ZC3H14: variants seen among roughly 807,000 people sequenced by gnomAD.
ZC3H14 encodes the protein zinc finger CCCH domain-containing protein 14.
A neutral mutation model predicts 92.4 loss-of-function variants in ZC3H14; 31 were observed. The observed-to-expected ratio is 0.34, with a 90% CI of 0.25 to 0.45. ZC3H14 has a LOEUF of 0.45. Ranked by LOEUF, ZC3H14 falls within the 20% of genes least tolerant of loss-of-function variation. The pLI is 1.00. For missense variants in ZC3H14, 781 were observed against 897.3 expected (o/e 0.87, Z 1.66); for synonymous variants, 321 against 300.9 (o/e 1.07, Z -0.69).
At position 88,620,639 on chromosome 14, in the gene ZC3H14, C is replaced by T. The variant is rs889301124; in HGVS notation, c.*8888C>T. 3.8e-6 allele frequency: 3 copies of T among 787,736 alleles called. No homozygotes were observed. Among genetic ancestry groups the T allele is most frequent in the Non-Finnish European group, 5.5e-6 (3 of 543,128 alleles). The allele number at this position is 787,736 out of a possible 1,614,324, so 48.8% of individuals were successfully genotyped here. ...ATATTTTAGCATACAATTTATAATA[C>T]GGGAAATGCTACAGGCCCTGGGGAC... On this transcript the variant is annotated 3_prime_UTR_variant, in exon 17 of 17. Coordinates refer to ENST00000251038, the MANE Select transcript of ZC3H14 (RefSeq NM_024824.5). This position sits in a 1 kb window ranked among gnomAD's most constrained non-coding sequence, Gnocchi z 4.3.
chr14:88,581,912 AT>A (rs1431098867), intron 9 of ZC3H14, among the ~76,000 whole-genome samples: 1 of 152,224 alleles, frequency 6.6e-6, no homozygotes, highest in Non-Finnish European at 1.5e-5. Context: ...GGTAAATAAA[AT>A]AATTGAACAT....
At chr14:88,596,218 T>C (rs1217339911) in intron 9 of ZC3H14, among the ~76,000 whole-genome samples, 4 of 152,224 alleles carry the variant, frequency 2.6e-5, no homozygotes, top group South Asian at 4.1e-4. Context: ...GAGTGTCTTA[T>C]TGTTTTCTTT....
Position 88,563,353 on chromosome 14 carries a change from G to A in ZC3H14, c.36+184G>A, listed in dbSNP as rs1293463157. ...CTGGGGACATTTGCGGCCTCGGAGC[G>A]TGGCTGCGGCTGAAGTAGCCGCCGG... On this transcript the variant is annotated intron_variant, in intron 1 of 16. Transcript: ENST00000251038. 8.2e-6 allele frequency: 12 copies of A among 1,458,754 alleles called. No individual in the cohort carries two copies. In the South Asian group the frequency reaches 1.1e-4, roughly 14 times the overall value. The allele number at this position is 1,458,754 out of a possible 1,614,324, so 90.4% of individuals were successfully genotyped here.
In ZC3H14 at chr14:88,613,856, A is replaced by G. The variant is rs550515392; in HGVS notation, c.*2105A>G. The G allele has an allele frequency of 6.6e-6, 1 of 152,192 alleles. No homozygotes were observed. Among genetic ancestry groups the G allele is most frequent in the African/African-American group, 2.4e-5 (1 of 41,456 alleles). The allele number at this position is 152,192 out of a possible 1,614,324, so 9.4% of individuals were successfully genotyped here. ...AAAAAGTAAACATAGGGCAGATTCT[A>G]TATGGCCTATCATGTTTCTTCACCT... On this transcript the variant is annotated 3_prime_UTR_variant, in exon 17 of 17. Coordinates refer to ENST00000251038, the MANE Select transcript of ZC3H14 (RefSeq NM_024824.5).
At position 88,625,306 on chromosome 14, in the gene ZC3H14, T is replaced by G; in HGVS notation, c.*13555T>G. On this transcript the variant is annotated 3_prime_UTR_variant, in exon 17 of 17. Coordinates refer to ENST00000251038, the MANE Select transcript of ZC3H14 (RefSeq NM_024824.5). ...AACCTGAACGGGAGGCTTAGCTTTG[T>G]CAGGACCTTTTCCTTTCCAAGTCTG... 1.6e-6 allele frequency: 1 copy of G among 617,398 alleles called. No individual in the cohort carries two copies. The allele number at this position is 617,398 out of a possible 1,614,324, so 38.2% of individuals were successfully genotyped here. A position where few individuals can be genotyped will look rare whatever the true frequency, so the allele number is the denominator to read the frequency against.
At position 88,578,128 on chromosome 14, in the gene ZC3H14, G is replaced by A. The variant is rs757942457; in HGVS notation, c.1267G>A (p.Glu423Lys). The change falls in exon 9 of 17, where the codon GAA becomes AAA. Residue 423 changes from glutamate to lysine, a missense_variant. Glu to Lys is a moderately conservative substitution (Grantham distance 56, BLOSUM62 1). Around this residue, in one of 3 missense-constraint regions of ZC3H14, gnomAD observed 454 missense variants for 438.5 expected, o/e 1.04. Transcript: ENST00000251038. ...AGAGGAAACAAAAGGAGATTCTGTAGAAAAAAATCAAGGTAATAACTTAAA... is the reference window on the plus strand; with the variant it reads ...AGAGGAAACAAAAGGAGATTCTGTAAAAAAAAATCAAGGTAATAACTTAAA... The part of the protein sequence containing the change: ...KEEETKGDSV[E>K]KNQGTQQRQL... The A allele has an allele frequency of 9.3e-6, 15 of 1,613,630 alleles. No homozygotes were observed. Among genetic ancestry groups the A allele is most frequent in the Admixed American group, 3.3e-5 (2 of 59,982 alleles).
In ZC3H14 at chr14:88,594,618, T is replaced by G. The variant is rs1017057751; in HGVS notation, c.1280-2116T>G. 80 of 1,598,044 alleles carry G rather than the reference T, an allele frequency of 5.0e-5. No homozygotes were observed. The East Asian group carries it at 1.7e-3, about 33-fold the overall frequency. On this transcript the variant is annotated intron_variant, in intron 9 of 16. Coordinates refer to ENST00000251038, the MANE Select transcript of ZC3H14 (RefSeq NM_024824.5). ...ATACGTCTTAAGGTAACAGCCTTGA[T>G]CACTGCTTTTACTTTCGATGAAATA...
chr14:88,581,513 A>G (rs1165048584), intron 9 of ZC3H14, among the ~76,000 whole-genome samples: 1 of 152,174 alleles, frequency 6.6e-6, no homozygotes, highest in Non-Finnish European at 1.5e-5. Flanking sequence ...GTGAGCCAAG[A>G]TTGTGCCACC....
intron 8 of ZC3H14, among the ~76,000 whole-genome samples, chr14:88,577,442 A>G (rs997977538): frequency 8.5e-5 from 13 of 152,184 alleles, no homozygotes; most frequent in African/African-American, 3.1e-4. Flanking sequence ...TATTCATGGT[A>G]TGTGGTTGTA....
At chr14:88,587,197 T>C (rs1224733936) in intron 9 of ZC3H14, among the ~76,000 whole-genome samples, 3 of 152,016 alleles carry the variant, frequency 2.0e-5, no homozygotes, top group Non-Finnish European at 2.9e-5. Flanking sequence ...AGTCTCACTT[T>C]TGTCACCCAG....
At chr14:88,586,522 A>G (rs1236526683) in intron 9 of ZC3H14, 6 of 152,036 alleles carry the variant, frequency 3.9e-5, no homozygotes, top group African/African-American at 1.2e-4. Flanking sequence ...TCTGCTTTCC[A>G]TTGTTGAGTG....
At chr14:88,588,991 A>C (rs893021336) in intron 9 of ZC3H14, among the ~76,000 whole-genome samples, 1 of 152,170 alleles carries the variant, frequency 6.6e-6, no homozygotes, top group Non-Finnish European at 1.5e-5. Flanking sequence ...TCCTAATTAA[A>C]GGGATTTTTT....
intron 2 of ZC3H14, among the ~76,000 whole-genome samples, chr14:88,566,642 C>T (rs2079663412): frequency 1.3e-5 from 2 of 152,140 alleles, no homozygotes; most frequent in South Asian, 2.1e-4. Context: ...AAATTTGTCA[C>T]AGCATGGTGG....
Position 88,618,207 on chromosome 14 carries a change from T to G in ZC3H14, c.*6456T>G. 6.2e-7 allele frequency: 1 copy of G among 1,604,704 alleles called. No individual in the cohort carries two copies. The highest frequency in any genetic ancestry group is 8.5e-7 in the Non-Finnish European group (1 of 1,172,444). On this transcript the variant is annotated 3_prime_UTR_variant, in exon 17 of 17. Transcript: ENST00000251038. ...TGGCCTTCAAAGTCAGTTCTTGCCTTGTGAATATATAAGTATTTACCTAGT... is the reference window on the plus strand; with the variant it reads ...TGGCCTTCAAAGTCAGTTCTTGCCTGGTGAATATATAAGTATTTACCTAGT...
chr14:88,601,190 A>G (rs1426495826), intron 10 of ZC3H14, among the ~76,000 whole-genome samples: 1 of 152,126 alleles, frequency 6.6e-6, no homozygotes. Flanking sequence ...TTAGTTGTTC[A>G]GTAAATACTC....
chr14:88,601,611 A>C (rs2084656566), intron 10 of ZC3H14, among the ~76,000 whole-genome samples: 1 of 152,180 alleles, frequency 6.6e-6, no homozygotes, highest in Non-Finnish European at 1.5e-5. Flanking sequence ...GTTTTTAGAA[A>C]AGATTTTTGT....
rs572105985 is a variant in ZC3H14, at chr14:88,570,572, C to T, written c.195-512C>T. ...ATGGTGGTAATAATAAGCAATATTA[C>T]ATGTTTATGATACTTGTTTTACTGT... On this transcript the variant is annotated intron_variant, in intron 3 of 16. Coordinates refer to ENST00000251038, the MANE Select transcript of ZC3H14 (RefSeq NM_024824.5). 2.0e-5 allele frequency among the ~76,000 whole-genome samples: 3 copies of T among 152,266 alleles called. No individual in the cohort carries two copies. The South Asian group carries it at 6.2e-4, about 32-fold the overall frequency.
chr14:88,598,196 T>C (rs2140011271), intron 10 of ZC3H14, among the ~76,000 whole-genome samples: 1 of 152,248 alleles, frequency 6.6e-6, no homozygotes, highest in Non-Finnish European at 1.5e-5. Flanking sequence ...GTCACTGGTA[T>C]TCTGGGTTCA....
At position 88,615,645 on chromosome 14, in the gene ZC3H14, G is replaced by T; in HGVS notation, c.*3894G>T. On this transcript the variant is annotated 3_prime_UTR_variant, in exon 17 of 17. Transcript: ENST00000251038. ...GTATGGATTACGGATTATACCCAGT[G>T]CATATAGCAAATATTTTGAACAGAT... 1.7e-6 allele frequency: 1 copy of T among 605,180 alleles called. No individual in the cohort carries two copies. Among genetic ancestry groups the T allele is most frequent in the African/African-American group, 1.9e-5 (1 of 53,720 alleles). 37.5% of individuals were successfully genotyped at this position (605,180 alleles called of 1,614,324 possible).
Sources: gnomAD v4.1 joint callset for allele counts (sites outside exome capture counted in the v4.1 genomes callset) on GRCh38, gnomAD v4.1.1 for gene constraint, gnomAD v4.1.1 regional missense constraint, Gnocchi (gnomAD v3.1) non-coding constraint, MANE v1.5 for transcripts, NCBI Gene and HGNC (gene_info 2026-07-23, HGNC 2026-07-21) for gene names.